The following FNBP1 variants were observed in gnomAD, a reference collection of about 807,000 sequenced individuals.
FNBP1 encodes the protein formin-binding protein 1.
In FNBP1, 26 loss-of-function variants were observed where a neutral mutation model predicts 90.6. The observed-to-expected ratio is 0.29, with a 90% CI of 0.21 to 0.40. The LOEUF (loss-of-function observed/expected upper bound fraction) is 0.40, where lower values mean the gene tolerates loss of function less well. Ranked by LOEUF, FNBP1 falls within the 10% of genes least tolerant of loss-of-function variation. The pLI, the probability that FNBP1 is intolerant of heterozygous loss-of-function variation, is 1.00. For missense variants in FNBP1, 635 were observed against 768.0 expected (o/e 0.83, Z 2.05); for synonymous variants, 260 against 265.2 (o/e 0.98, Z 0.19).
In FNBP1 at chr9:129,892,366, G is replaced by GACACACACACACACACAC. The variant is rs3138855; in HGVS notation, c.1847-1838_1847-1821dup. Among the ~76,000 whole-genome samples, 80 of 103,464 alleles carry GACACACACACACACACAC rather than the reference G, an allele frequency of 7.7e-4. 1 individual carries two copies. The highest frequency in any genetic ancestry group is 3.2e-3 in the African/African-American group (77 of 23,768). The allele number at this position is 103,464 out of a possible 152,430, so 67.9% of individuals were successfully genotyped here. A position where few individuals can be genotyped will look rare whatever the true frequency, so the allele number is the denominator to read the frequency against. On this transcript the variant is annotated intron_variant, in intron 16 of 16. Coordinates refer to ENST00000446176, the MANE Select transcript of FNBP1 (RefSeq NM_015033.3). ...GCAATTATTAAATAAGCACATCGTAGACACACACACACACACACACACACA... is the reference window on the plus strand; with the variant it reads ...GCAATTATTAAATAAGCACATCGTAGACACACACACACACACACACACACACACACACACACACACACA...
At position 129,890,410 on chromosome 9, in the gene FNBP1, A is replaced by AGG. The variant is rs1564239772; in HGVS notation, c.*128_*129insCC. Reference sequence around the variant, plus strand: ...CAGGGAGCATGCTGGAGAGAGAGAGAGACCGCCCCGCAGGGATGGGGCTGC... The same window carrying AGG: ...CAGGGAGCATGCTGGAGAGAGAGAGAGGGACCGCCCCGCAGGGATGGGGCTGC... On this transcript the variant is annotated 3_prime_UTR_variant, in exon 17 of 17. Transcript: ENST00000446176. This position sits in a 1 kb window ranked among gnomAD's most constrained non-coding sequence, Gnocchi z 5.8. The AGG allele has an allele frequency of 1.3e-6, 1 of 766,704 alleles. No individual in the cohort carries two copies. Among genetic ancestry groups the AGG allele is most frequent in the Non-Finnish European group, 2.2e-6 (1 of 446,188 alleles). The allele number at this position is 766,704 out of a possible 1,614,324, so 47.5% of individuals were successfully genotyped here.
chr9:130,014,392 C>A (rs1201826615), intron 1 of FNBP1, among the ~76,000 whole-genome samples: 2 of 151,958 alleles, frequency 1.3e-5, no homozygotes, highest in Non-Finnish European at 2.9e-5. Context: ...GCTGGGAATA[C>A]AGGTGCACGC....
chr9:129,922,197 T>TC (rs2041220289), intron 10 of FNBP1, among the ~76,000 whole-genome samples: 1 of 152,192 alleles, frequency 6.6e-6, no homozygotes, highest in Non-Finnish European at 1.5e-5. Flanking sequence ...AGGCTTAGAC[T>TC]AGACTGGCCA....
intron 16 of FNBP1, among the ~76,000 whole-genome samples, chr9:129,893,231 T>C (rs1588323129): frequency 6.6e-6 from 1 of 152,162 alleles, no homozygotes; most frequent in African/African-American, 2.4e-5. Flanking sequence ...GGTCAGCTGA[T>C]TTTCTTGCTG....
At chr9:130,049,738 G>A in the FNBP1 span, among the ~76,000 whole-genome samples, 3 of 151,848 alleles carry the variant, frequency 2.0e-5, no homozygotes, top group South Asian at 6.3e-4. Context: ...TTAAAAGAAA[G>A]AATACGTATA....
chr9:130,037,701 C>A (rs142538680), intron 1 of FNBP1, among the ~76,000 whole-genome samples: 1 of 152,152 alleles, frequency 6.6e-6, no homozygotes, highest in African/African-American at 2.4e-5. Flanking sequence ...AATCTCTGTA[C>A]CTTCTCAATT....
chr9:130,050,923 C>T, the FNBP1 span, among the ~76,000 whole-genome samples: 2 of 142,654 alleles, frequency 1.4e-5, no homozygotes, highest in African/African-American at 2.6e-5. Context: ...TTTTTTGAGA[C>T]AGAATCTCGC....
At chr9:129,983,469 A>C (rs1405214061) in intron 2 of FNBP1, among the ~76,000 whole-genome samples, 1 of 152,190 alleles carries the variant, frequency 6.6e-6, no homozygotes, top group African/African-American at 2.4e-5. Context: ...TCAACTTTCC[A>C]TTGCTGTTCT....
chr9:130,007,069 T>C (rs1315508091), intron 1 of FNBP1, among the ~76,000 whole-genome samples: 1 of 148,006 alleles, frequency 6.8e-6, no homozygotes, highest in Non-Finnish European at 1.5e-5. Context: ...CCCTCATCTC[T>C]ACAAAAAAAA....
At chr9:129,978,675 T>C (rs41304844) in intron 3 of FNBP1, 63 bp from the exon 4 acceptor site, 24,032 of 1,506,254 alleles carry the variant, frequency 0.016, 243 homozygotes, top group South Asian at 0.019. Context: ...TATTCTGCTT[T>C]ACACCAAGAA....
Position 130,011,277 on chromosome 9 carries a change from A to G in FNBP1, c.25-16319T>C, listed in dbSNP as rs534908184. On this transcript the variant is annotated intron_variant, in intron 1 of 16. Coordinates refer to ENST00000446176, the MANE Select transcript of FNBP1 (RefSeq NM_015033.3). ...ATATATATATATATATAAAATATAT[A>G]TAACATTATTACTTATAACAGCATG... 8.5e-5 allele frequency among the ~76,000 whole-genome samples: 12 copies of G among 140,748 alleles called. No individual in the cohort carries two copies. In the East Asian group the frequency reaches 2.2e-3, roughly 26 times the overall value. 92.3% of individuals were successfully genotyped at this position (140,748 alleles called of 152,430 possible).
At chr9:129,949,011 C>T (rs932291582) in intron 6 of FNBP1, among the ~76,000 whole-genome samples, 12 of 151,974 alleles carry the variant, frequency 7.9e-5, no homozygotes, top group Non-Finnish European at 1.5e-4. Context: ...TGCAGTTTCC[C>T]TCTCAATATC....
intron 4 of FNBP1, among the ~76,000 whole-genome samples, chr9:129,971,953 TC>T (rs1440824800): frequency 6.6e-6 from 1 of 152,194 alleles, no homozygotes; most frequent in African/African-American, 2.4e-5. Context: ...TTCAAAATCA[TC>T]CCTTTGGGCA....
At chr9:129,935,620 T>G (rs1391370475) in intron 6 of FNBP1, among the ~76,000 whole-genome samples, 1 of 152,172 alleles carries the variant, frequency 6.6e-6, no homozygotes, top group Non-Finnish European at 1.5e-5. Flanking sequence ...CCTGAGTAGC[T>G]GGGACTACAG....
chr9:129,914,671 T>TAATAA (rs2039929975), intron 11 of FNBP1, among the ~76,000 whole-genome samples: 1 of 150,370 alleles, frequency 6.7e-6, no homozygotes, highest in Non-Finnish European at 1.5e-5. Context: ...TTATTTAATT[T>TAATAA]AATAAAATAC....
intron 16 of FNBP1, among the ~76,000 whole-genome samples, chr9:129,892,414 C>CATAA (rs33944894): frequency 8.0e-6 from 1 of 125,232 alleles, no homozygotes; most frequent in Admixed American, 8.0e-5. Flanking sequence ...CACACACACA[C>CATAA]ACAAAAAGGT....
rs1371123342 is a variant in FNBP1, at chr9:129,966,534, G to T, written c.346-7981C>A. On this transcript the variant is annotated intron_variant, in intron 4 of 16. Coordinates refer to ENST00000446176, the MANE Select transcript of FNBP1 (RefSeq NM_015033.3). This position sits in a 1 kb window ranked among gnomAD's most constrained non-coding sequence, Gnocchi z 4.3. ...ATTTGAGGTCAGGAGTTCGAGACCA[G>T]CCTGGCCAACATGATGAAATGCCGT... Among the ~76,000 whole-genome samples the T allele has an allele frequency of 1.3e-5, 2 of 152,134 alleles. No homozygotes were observed. The highest frequency in any genetic ancestry group is 4.8e-5 in the African/African-American group (2 of 41,404).
intron 6 of FNBP1, among the ~76,000 whole-genome samples, chr9:129,938,716 T>C (rs549871052): frequency 2.0e-5 from 3 of 152,242 alleles, no homozygotes; most frequent in South Asian, 2.1e-4. Flanking sequence ...TGTTTCCCTA[T>C]GCTCTGGTTG....
At chr9:130,004,150 C>T (rs2055301163) in intron 1 of FNBP1, among the ~76,000 whole-genome samples, 1 of 151,884 alleles carries the variant, frequency 6.6e-6, no homozygotes, top group African/African-American at 2.4e-5. Context: ...GTAATCTCAA[C>T]TACTCTGGAG....
Sources: allele counts gnomAD v4.1 joint callset (sites outside exome capture counted in the v4.1 genomes callset), GRCh38; gene constraint gnomAD v4.1.1; non-coding constraint Gnocchi (gnomAD v3.1); transcripts MANE v1.5; gene names NCBI Gene and HGNC (gene_info 2026-07-23, HGNC 2026-07-21).